PCDH15: variants seen among roughly 807,000 people sequenced by gnomAD.
PCDH15 encodes protocadherin related 15.
A neutral mutation model predicts 178.5 loss-of-function variants in PCDH15; 129 were observed. That is an observed-to-expected ratio of 0.72 (90% CI 0.63 to 0.84). The LOEUF is 0.84. Among genes scored for constraint, PCDH15 ranks in the 40% least tolerant of loss-of-function variants. The probability of loss-of-function intolerance (pLI) is 0.00; values close to 1 mark genes in which losing one functional copy is unlikely to be tolerated. For synonymous variants in PCDH15, 800 were observed against 732.0 expected (o/e 1.09, Z -1.50); for missense variants, 2,230 against 2,099.9 (o/e 1.06, Z -1.21).
At chr10:54,902,113 A>G (rs1013719693) in intron 2 of PCDH15, among the ~76,000 whole-genome samples, 1 of 152,212 alleles carries the variant, frequency 6.6e-6, no homozygotes, top group Non-Finnish European at 1.5e-5. Flanking sequence ...CAAACAAATG[A>G]CTGTCTCATT....
chr10:53,928,708 A>G (rs1194103789), intron 25 of PCDH15, among the ~76,000 whole-genome samples: 1 of 151,988 alleles, frequency 6.6e-6, no homozygotes, highest in Non-Finnish European at 1.5e-5. Context: ...GTTTTTCTAA[A>G]GCAAGAGGTT....
chr10:54,299,557 A>G (rs527958973), intron 8 of PCDH15, among the ~76,000 whole-genome samples: 223 of 152,348 alleles, frequency 1.5e-3, no homozygotes, highest in Non-Finnish European at 2.6e-3. Context: ...CTGACAACCC[A>G]TAGCCTTCCT....
At chr10:55,602,394 A>G (rs1433951976) in intron 2 of PCDH15, among the ~76,000 whole-genome samples, 4 of 152,182 alleles carry the variant, frequency 2.6e-5, no homozygotes, top group Non-Finnish European at 4.4e-5. Context: ...CCACAGCTCA[A>G]GGAGGCCTGC....
At chr10:55,548,015 C>G (rs1295986925) in intron 2 of PCDH15, among the ~76,000 whole-genome samples, 3 of 151,158 alleles carry the variant, frequency 2.0e-5, no homozygotes, top group Non-Finnish European at 4.4e-5. Flanking sequence ...GTTTACATGC[C>G]AGAGTTGAGA....
chr10:55,171,780 G>T (rs752909228), intron 1 of PCDH15, among the ~76,000 whole-genome samples: 37 of 151,974 alleles, frequency 2.4e-4, no homozygotes, highest in Admixed American at 4.6e-4. Context: ...TCATTTGGTA[G>T]TAGATTGTTA....
intron 7 of PCDH15, among the ~76,000 whole-genome samples, chr10:54,328,688 C>G (rs945108437): frequency 3.3e-5 from 5 of 151,962 alleles, no homozygotes; most frequent in African/African-American, 1.2e-4. Flanking sequence ...GCTACCCTTT[C>G]TGCCTGTTGC....
Position 55,112,184 on chromosome 10 carries a change from T to G in PCDH15, c.-80+54392A>C, listed in dbSNP as rs571047125. Reference sequence around the variant, plus strand: ...TCCATGCAAAATTCACATGTTGAAATCCTAAGGCAAATGTGGTGTTAGGAG... The same window carrying G: ...TCCATGCAAAATTCACATGTTGAAAGCCTAAGGCAAATGTGGTGTTAGGAG... On this transcript the variant is annotated intron_variant, in intron 2 of 5. Coordinates refer to the PCDH15 transcript ENST00000458638. 3.3e-5 allele frequency among the ~76,000 whole-genome samples: 5 copies of G among 152,232 alleles called. No individual in the cohort carries two copies. The East Asian group carries it at 7.7e-4, about 24-fold the overall frequency.
At chr10:55,492,537 A>C (rs1756517829) in intron 2 of PCDH15, among the ~76,000 whole-genome samples, 2 of 151,850 alleles carry the variant, frequency 1.3e-5, no homozygotes, top group South Asian at 4.1e-4. Context: ...CCAGGTCACT[A>C]AGAAAGTAAA....
intron 2 of PCDH15, among the ~76,000 whole-genome samples, chr10:55,075,544 T>C (rs2132018951): frequency 6.6e-6 from 1 of 151,866 alleles, no homozygotes; most frequent in African/African-American, 2.4e-5. Flanking sequence ...TTTTGTATTT[T>C]AGTAGAGACG....
intron 3 of PCDH15, among the ~76,000 whole-genome samples, chr10:54,894,490 G>C (rs1461369532): frequency 6.6e-6 from 1 of 152,062 alleles, no homozygotes; most frequent in Non-Finnish European, 1.5e-5. Flanking sequence ...ATACAGCACA[G>C]GAAAGAAGAG....
At chr10:54,484,613 T>A (rs2078967411) in intron 3 of PCDH15, among the ~76,000 whole-genome samples, 1 of 151,760 alleles carries the variant, frequency 6.6e-6, no homozygotes, top group Non-Finnish European at 1.5e-5. Flanking sequence ...ATTAATGAAT[T>A]GAGATAAGAA....
chr10:55,143,580 T>G (rs1838412340), intron 2 of PCDH15, among the ~76,000 whole-genome samples: 1 of 151,988 alleles, frequency 6.6e-6, no homozygotes, highest in Admixed American at 6.6e-5. Context: ...CAAAAATAAA[T>G]AAATAAATAA....
chr10:54,385,466 G>T (rs935266667), intron 3 of PCDH15, among the ~76,000 whole-genome samples: 1 of 152,062 alleles, frequency 6.6e-6, no homozygotes, highest in Admixed American at 6.5e-5. Context: ...CAAGCAGTTT[G>T]CTTTTTTCAT....
At chr10:55,596,619 C>T (rs1842940063) in intron 2 of PCDH15, among the ~76,000 whole-genome samples, 1 of 151,936 alleles carries the variant, frequency 6.6e-6, no homozygotes, top group Non-Finnish European at 1.5e-5. Context: ...AAAAGTAAGG[C>T]ATGATTATAT....
intron 1 of PCDH15, among the ~76,000 whole-genome samples, chr10:54,779,523 TATACACAC>T (rs1950155196): frequency 7.6e-6 from 1 of 130,858 alleles, no homozygotes; most frequent in East Asian, 2.2e-4. Flanking sequence ...TGTATATATA[TATACACAC>T]ACATATATAT....
chr10:55,045,668 T>TA (rs1417227864), intron 2 of PCDH15, among the ~76,000 whole-genome samples: 9 of 152,246 alleles, frequency 5.9e-5, no homozygotes, highest in African/African-American at 2.2e-4. Context: ...TTTAATTCTT[T>TA]AAGAGAACAA....
chr10:54,364,956 A>G (rs1013840560), intron 5 of PCDH15, among the ~76,000 whole-genome samples: 1 of 152,062 alleles, frequency 6.6e-6, no homozygotes, highest in South Asian at 2.1e-4. Flanking sequence ...AAAACCAGCA[A>G]TAGTGGCTAA....
At chr10:55,580,262 A>G (rs1842583126) in intron 2 of PCDH15, among the ~76,000 whole-genome samples, 1 of 151,850 alleles carries the variant, frequency 6.6e-6, no homozygotes, top group African/African-American at 2.4e-5. Context: ...TTTAAGACCT[A>G]TATGTTTTTC....
At chr10:55,045,832 G>A (rs1003591669) in intron 2 of PCDH15, among the ~76,000 whole-genome samples, 5 of 151,862 alleles carry the variant, frequency 3.3e-5, no homozygotes, top group African/African-American at 1.2e-4. Flanking sequence ...ATAATTTTCC[G>A]CTATCATCCT....
Sources: gnomAD v4.1 joint callset for allele counts (sites outside exome capture counted in the v4.1 genomes callset) on GRCh38, gnomAD v4.1.1 for gene constraint, MANE v1.5 for transcripts, NCBI Gene and HGNC (gene_info 2026-07-23, HGNC 2026-07-21) for gene names.